RAP1A: variants seen among roughly 807,000 people sequenced by gnomAD.
The protein encoded by RAP1A is ras-related protein Rap-1A.
A neutral mutation model predicts 26.4 loss-of-function variants in RAP1A; 6 were observed. That is an observed-to-expected ratio of 0.23 (90% CI 0.12 to 0.45). The LOEUF is 0.45. Among genes scored for constraint, RAP1A ranks in the 20% least tolerant of loss-of-function variants. The probability of loss-of-function intolerance (pLI) is 0.99; values close to 1 mark genes in which losing one functional copy is unlikely to be tolerated. For synonymous variants in RAP1A, 73 were observed against 79.4 expected (o/e 0.92, Z 0.43); for missense variants, 121 against 217.2 (o/e 0.56, Z 2.78).
chr1:111,627,955 A>G (rs1046605761), intron 1 of RAP1A, among the ~76,000 whole-genome samples: 6 of 152,048 alleles, frequency 3.9e-5, no homozygotes, highest in African/African-American at 1.4e-4. Context: ...AAATCTGTGA[A>G]TGTTTAGAGC....
At chr1:111,620,526 A>G (rs1235275142) in intron 1 of RAP1A, among the ~76,000 whole-genome samples, 1 of 152,118 alleles carries the variant, frequency 6.6e-6, no homozygotes, top group Admixed American at 6.5e-5. Context: ...AGACTGGAGC[A>G]TTGCTGTCTC....
intron 1 of RAP1A, among the ~76,000 whole-genome samples, chr1:111,565,211 A>G (rs918679245): frequency 2.0e-5 from 3 of 152,086 alleles, no homozygotes; most frequent in Non-Finnish European, 2.9e-5. Flanking sequence ...GAATGAACAA[A>G]GGGGGGGAGT....
intron 2 of RAP1A, among the ~76,000 whole-genome samples, chr1:111,691,621 A>G (rs1276818065): frequency 3.3e-5 from 5 of 152,218 alleles, no homozygotes; most frequent in African/African-American, 1.2e-4. Context: ...TATATTTACC[A>G]AATATTTATT....
At chr1:111,584,443 G>T (rs2101062662) in intron 1 of RAP1A, among the ~76,000 whole-genome samples, 3 of 152,246 alleles carry the variant, frequency 2.0e-5, no homozygotes, top group Admixed American at 2.0e-4. Flanking sequence ...CATAGATGGT[G>T]CCTTCTGTGA....
At chr1:111,683,703 C>G (rs1028708744) in intron 1 of RAP1A, among the ~76,000 whole-genome samples, 3 of 152,150 alleles carry the variant, frequency 2.0e-5, no homozygotes, top group African/African-American at 7.2e-5. Flanking sequence ...CAGGACCAGA[C>G]AGATTCACAG....
chr1:111,650,693 A>G (rs1044046180), intron 1 of RAP1A, among the ~76,000 whole-genome samples: 3 of 152,204 alleles, frequency 2.0e-5, no homozygotes, highest in African/African-American at 4.8e-5. Flanking sequence ...ACATTGACAC[A>G]TACTTATTAT....
chr1:111,702,137 T>C (rs1278165461), intron 4 of RAP1A, among the ~76,000 whole-genome samples: 1 of 152,120 alleles, frequency 6.6e-6, no homozygotes, highest in Non-Finnish European at 1.5e-5. Context: ...GAGGTAGTGG[T>C]CATGGGGAAC....
At chr1:111,698,269 G>A (rs1264281173) in intron 4 of RAP1A, among the ~76,000 whole-genome samples, 1 of 152,002 alleles carries the variant, frequency 6.6e-6, no homozygotes. Flanking sequence ...TAAAATGGAT[G>A]GGTTCGTTTT....
At chr1:111,553,908 G>A (rs142183017) in intron 1 of RAP1A, among the ~76,000 whole-genome samples, 3 of 152,170 alleles carry the variant, frequency 2.0e-5, no homozygotes, top group Admixed American at 6.5e-5. Context: ...CCTATACAAA[G>A]AGCTTGAATA....
chr1:111,545,482 A>G (rs1423653988), intron 1 of RAP1A, among the ~76,000 whole-genome samples: 1 of 151,966 alleles, frequency 6.6e-6, no homozygotes, highest in East Asian at 1.9e-4. Context: ...TTGTCCTTTT[A>G]TTGTTGAATT....
intron 1 of RAP1A, among the ~76,000 whole-genome samples, chr1:111,620,592 T>C (rs1659168400): frequency 6.6e-6 from 1 of 152,102 alleles, no homozygotes; most frequent in Non-Finnish European, 1.5e-5. Context: ...ATTCCCCCAG[T>C]TAATAGGGCT....
At chr1:111,695,234 C>T in intron 2 of RAP1A, 107 bp from the exon 3 acceptor site, 12 of 775,336 alleles carry the variant, frequency 1.5e-5, no homozygotes, top group South Asian at 3.9e-5. Flanking sequence ...ACGTGTTTAC[C>T]CAGAATTTTC....
intron 1 of RAP1A, among the ~76,000 whole-genome samples, chr1:111,628,868 A>G (rs1489650105): frequency 6.6e-6 from 1 of 152,180 alleles, no homozygotes; most frequent in Non-Finnish European, 1.5e-5. Context: ...AAATTGAAGG[A>G]TAAAACATTC....
intron 1 of RAP1A, chr1:111,649,354 C>A: frequency 2.6e-6 from 1 of 386,788 alleles, no homozygotes; most frequent in East Asian, 6.4e-5. Context: ...GCCTCCCATT[C>A]CTGCCAGCCC....
intron 2 of RAP1A, among the ~76,000 whole-genome samples, chr1:111,692,338 AAGAG>A (rs1305752469): frequency 6.6e-6 from 1 of 152,232 alleles, no homozygotes; most frequent in African/African-American, 2.4e-5. Context: ...AGTAATAAAA[AAGAG>A]AGGCCGGTGA....
At chr1:111,641,350 G>A (rs551605042) in intron 1 of RAP1A, among the ~76,000 whole-genome samples, 2 of 152,136 alleles carry the variant, frequency 1.3e-5, no homozygotes, top group African/African-American at 4.8e-5. Context: ...CTCCTTGAGA[G>A]GAGAGAACGT....
intron 1 of RAP1A, among the ~76,000 whole-genome samples, chr1:111,687,164 CTTAT>C (rs1401921185): frequency 1.4e-5 from 2 of 147,636 alleles, no homozygotes; most frequent in Non-Finnish European, 3.0e-5. Flanking sequence ...CTTTTTTTTG[CTTAT>C]TTGTTTGCAT....
Position 111,714,695 on chromosome 1 carries a change from AAAAGTATCCTGTTAGAAAGTGAG to A in RAP1A, c.*2296_*2318del, listed in dbSNP as rs1272674491. The A allele has an allele frequency of 2.6e-5, 4 of 152,250 alleles. No individual in the cohort carries two copies. The highest frequency in any genetic ancestry group is 9.6e-5 in the African/African-American group (4 of 41,470). 9.4% of individuals were successfully genotyped at this position (152,250 alleles called of 1,614,324 possible). A position where few individuals can be genotyped will look rare whatever the true frequency, so the allele number is the denominator to read the frequency against. On this transcript the variant is annotated 3_prime_UTR_variant, in exon 8 of 8. Coordinates refer to ENST00000369709, the MANE Select transcript of RAP1A (RefSeq NM_002884.4). ...AAATCTGTGGTTGCTGAGCAGGATG[AAAAGTATCCTGTTAGAAAGTGAG>A]ATAGGTGTGTTTTTATATTGTCCTA...
intron 1 of RAP1A, among the ~76,000 whole-genome samples, chr1:111,669,550 C>T (rs1660911682): frequency 6.6e-6 from 1 of 152,214 alleles, no homozygotes; most frequent in East Asian, 1.9e-4. Context: ...GCTTGGCTCT[C>T]TCAGACTACC....
Sources: allele counts gnomAD v4.1 joint callset (sites outside exome capture counted in the v4.1 genomes callset), GRCh38; gene constraint gnomAD v4.1.1; transcripts MANE v1.5; gene names NCBI Gene and HGNC (gene_info 2026-07-23, HGNC 2026-07-21).